Variants in PPP1R13B observed in about 807,000 individuals in gnomAD.
The protein encoded by PPP1R13B is protein phosphatase 1 regulatory subunit 13B, also known as apoptosis-stimulating of p53 protein 1.
PPP1R13B carries 44 observed loss-of-function variants against 119.8 expected under a neutral mutation model. The observed-to-expected ratio is 0.37, with a 90% CI of 0.29 to 0.47. The LOEUF (loss-of-function observed/expected upper bound fraction) is 0.47, where lower values mean the gene tolerates loss of function less well. PPP1R13B is among the 20% of genes least tolerant of loss of function. The pLI, the probability that PPP1R13B is intolerant of heterozygous loss-of-function variation, is 0.99. For missense variants in PPP1R13B, 1,227 were observed against 1,413.5 expected, an observed-to-expected ratio of 0.87 and a Z score of 2.12; for synonymous variants, 542 against 561.5, an observed-to-expected ratio of 0.97 and a Z score of 0.49.
chr14:103,833,060 T>C (rs1309060496), intron 1 of PPP1R13B, among the ~76,000 whole-genome samples: 1 of 152,064 alleles, frequency 6.6e-6, no homozygotes, highest in Non-Finnish European at 1.5e-5. Context: ...TGGAGGTAGA[T>C]GGTGATAATG....
intron 1 of PPP1R13B, chr14:103,846,716 A>C (rs1275536513): frequency 4.4e-6 from 2 of 456,030 alleles, no homozygotes; most frequent in African/African-American, 4.0e-5. Flanking sequence ...CCACCACTAC[A>C]AACGAACCTC....
At chr14:103,784,112 G>C (rs1476470857) in intron 3 of PPP1R13B, among the ~76,000 whole-genome samples, 1 of 152,124 alleles carries the variant, frequency 6.6e-6, no homozygotes, top group Admixed American at 6.6e-5. Flanking sequence ...GGAGGCAGAG[G>C]TTGCAGTGAG....
At chr14:103,794,691 T>C (rs1355056846) in intron 2 of PPP1R13B, 2 of 431,014 alleles carry the variant, frequency 4.6e-6, no homozygotes, top group Admixed American at 2.7e-5. Context: ...TCTGTAAGGG[T>C]TCCTCTAGGT....
chr14:103,819,331 C>T (rs761511277), intron 1 of PPP1R13B, among the ~76,000 whole-genome samples: 1 of 151,984 alleles, frequency 6.6e-6, no homozygotes, highest in Non-Finnish European at 1.5e-5. Context: ...AGGCGGGGAA[C>T]AAGCACAGAA....
intron 2 of PPP1R13B, among the ~76,000 whole-genome samples, chr14:103,788,551 T>C (rs1049140433): frequency 5.9e-5 from 9 of 152,142 alleles, no homozygotes; most frequent in African/African-American, 1.4e-4. Flanking sequence ...TAGCCAGGCA[T>C]GACAGTGCAC....
At chr14:103,840,678 C>A (rs963885315) in intron 1 of PPP1R13B, among the ~76,000 whole-genome samples, 3 of 151,950 alleles carry the variant, frequency 2.0e-5, no homozygotes, top group African/African-American at 4.8e-5. Context: ...GTAAACCCAG[C>A]TGCTTTGGAG....
intron 12 of PPP1R13B, chr14:103,739,253 G>A (rs574099526): frequency 1.4e-4 from 73 of 534,014 alleles, no homozygotes; most frequent in Admixed American, 9.2e-4. Flanking sequence ...CCTGGCTCAC[G>A]CACAGAGGGA....
chr14:103,825,188 G>T (rs2086509233), intron 1 of PPP1R13B, among the ~76,000 whole-genome samples: 1 of 152,152 alleles, frequency 6.6e-6, no homozygotes, highest in South Asian at 2.1e-4. Flanking sequence ...GGTAAGTGTT[G>T]TGTGTGTTCT....
At chr14:103,813,318 C>T (rs2086203282) in intron 1 of PPP1R13B, among the ~76,000 whole-genome samples, 1 of 151,940 alleles carries the variant, frequency 6.6e-6, no homozygotes, top group South Asian at 2.1e-4. Flanking sequence ...TTCTGTATAT[C>T]TAAAACTTCT....
intron 6 of PPP1R13B, among the ~76,000 whole-genome samples, chr14:103,753,710 CAA>C (rs1260641454): frequency 6.6e-6 from 1 of 152,168 alleles, no homozygotes; most frequent in Non-Finnish European, 1.5e-5. Context: ...ACCAACGTAA[CAA>C]GAGGATTTTT....
chr14:103,742,625 T>G lies in PPP1R13B; in HGVS notation c.1320+29A>C. The G allele has an allele frequency of 6.2e-7, 1 of 1,607,840 alleles. No homozygotes were observed. The highest frequency in any genetic ancestry group is 8.5e-7 in the Non-Finnish European group (1 of 1,177,114). On this transcript the variant is annotated intron_variant, in intron 10 of 16. Coordinates refer to ENST00000202556, the MANE Select transcript of PPP1R13B (RefSeq NM_015316.3). The surrounding 1 kb of genome is among the most constrained non-coding windows in gnomAD (Gnocchi z 4.9). Reference sequence around the variant, plus strand: ...AGAGAGCCCTGTTGAAGAGCCCGCTTGTGTTCTGTGGTAAAGACACAGGCC... The same window carrying G: ...AGAGAGCCCTGTTGAAGAGCCCGCTGGTGTTCTGTGGTAAAGACACAGGCC...
At chr14:103,839,483 C>T (rs1319077278) in intron 1 of PPP1R13B, among the ~76,000 whole-genome samples, 1 of 151,878 alleles carries the variant, frequency 6.6e-6, no homozygotes, top group African/African-American at 2.4e-5. Context: ...CAAAATTAGC[C>T]GGGCGTGGTG....
At chr14:103,779,348 GA>G (rs1224891924) in intron 3 of PPP1R13B, among the ~76,000 whole-genome samples, 1 of 152,098 alleles carries the variant, frequency 6.6e-6, no homozygotes, top group Non-Finnish European at 1.5e-5. Flanking sequence ...GTGTGTAAAT[GA>G]AATCTTTTCT....
chr14:103,799,976 G>A (rs891702796), intron 1 of PPP1R13B, among the ~76,000 whole-genome samples: 7 of 151,568 alleles, frequency 4.6e-5, no homozygotes, highest in Admixed American at 1.3e-4. Flanking sequence ...ACTTGAACCC[G>A]GGAGGCATGA....
At chr14:103,822,963 G>A (rs1232990608) in intron 1 of PPP1R13B, among the ~76,000 whole-genome samples, 2 of 152,118 alleles carry the variant, frequency 1.3e-5, no homozygotes, top group African/African-American at 4.8e-5. Flanking sequence ...ACACCTTGCT[G>A]GGGATCAGAA....
chr14:103,814,026 G>T (rs1193893904), intron 1 of PPP1R13B, among the ~76,000 whole-genome samples: 1 of 152,164 alleles, frequency 6.6e-6, no homozygotes, highest in Non-Finnish European at 1.5e-5. Flanking sequence ...TCACTTTACA[G>T]ATTAGGAAAA....
chr14:103,820,063 G>A (rs1595820435), intron 1 of PPP1R13B, among the ~76,000 whole-genome samples: 1 of 152,102 alleles, frequency 6.6e-6, no homozygotes, highest in East Asian at 1.9e-4. Context: ...CTGCCAACGG[G>A]TACAGAGAGC....
At chr14:103,791,419 A>G in intron 2 of PPP1R13B, among the ~76,000 whole-genome samples, 1 of 152,236 alleles carries the variant, frequency 6.6e-6, no homozygotes, top group East Asian at 1.9e-4. Flanking sequence ...AACAATGACA[A>G]GTTAAACATT....
rs999243598 is a variant in PPP1R13B, at chr14:103,734,922, T to C, written c.*232A>G. 1.0e-5 allele frequency: 7 copies of C among 667,120 alleles called. No individual in the cohort carries two copies. Among genetic ancestry groups the C allele is most frequent in the Non-Finnish European group, 1.9e-5 (7 of 363,872 alleles). The allele number at this position is 667,120 out of a possible 1,614,324, so 41.3% of individuals were successfully genotyped here. A position where few individuals can be genotyped will look rare whatever the true frequency, so the allele number is the denominator to read the frequency against. On this transcript the variant is annotated 3_prime_UTR_variant, in exon 17 of 17. Transcript: ENST00000202556. ...GAAAGTGGGTATTTATTTGGATTTA[T>C]AGTAATTGGCAAAATTCAGTCCTTG...
Sources: gnomAD v4.1 joint callset for allele counts (sites outside exome capture counted in the v4.1 genomes callset) on GRCh38, gnomAD v4.1.1 for gene constraint, Gnocchi (gnomAD v3.1) non-coding constraint, MANE v1.5 for transcripts, NCBI Gene and HGNC (gene_info 2026-07-23, HGNC 2026-07-21) for gene names.